Variants in EVC2 observed in about 807,000 individuals in gnomAD.
The protein encoded by EVC2 is EvC ciliary complex subunit 2, also known as limbin.
Under a neutral mutation model 149.3 loss-of-function variants are expected in EVC2, and 148 were observed. The ratio of observed to expected loss-of-function variants is 0.99; its 90% CI spans 0.87 to 1.14. The LOEUF (loss-of-function observed/expected upper bound fraction) is 1.14. Among genes scored for constraint, EVC2 ranks in the 50% most tolerant of loss-of-function variants. EVC2 has a pLI of 0.00. For synonymous variants in EVC2, 776 were observed against 649.9 expected (o/e 1.19, Z -2.95); for missense variants, 1,854 against 1,627.3 (o/e 1.14, Z -2.40).
intron 8 of EVC2, among the ~76,000 whole-genome samples, chr4:5,664,023 G>A (rs996705630): frequency 2.0e-5 from 3 of 152,176 alleles, no homozygotes; most frequent in African/African-American, 7.2e-5. Context: ...TATCTGTGTT[G>A]TCTCCAATAT....
intron 16 of EVC2, among the ~76,000 whole-genome samples, chr4:5,597,340 C>T (rs1713532190): frequency 6.6e-6 from 1 of 152,168 alleles, no homozygotes; most frequent in Non-Finnish European, 1.5e-5. Flanking sequence ...CAAACCAAAG[C>T]CAGCAGCACA....
chr4:5,623,295 T>C (rs1715862757), intron 13 of EVC2, among the ~76,000 whole-genome samples: 1 of 152,122 alleles, frequency 6.6e-6, no homozygotes, highest in African/African-American at 2.4e-5. Context: ...TGCGCCATGA[T>C]GCCAGGCTAA....
rs117529723 is a variant in EVC2, at chr4:5,614,628, A to G, written c.2829+794T>C. ...AAAAGTAATTCCACAAAGACAGAAG[A>G]ATACAGATTAAAGCATCCTAGGAGA... On this transcript the variant is annotated intron_variant, in intron 16 of 21. Transcript: ENST00000344408. The surrounding 1 kb of genome is among the most constrained non-coding windows in gnomAD (Gnocchi z 4.7). Among the ~76,000 whole-genome samples the G allele has an allele frequency of 2.2e-4, 34 of 152,284 alleles. No homozygotes were observed. In the East Asian group the frequency reaches 5.8e-3, roughly 26 times the overall value.
chr4:5,665,499 C>G lies in EVC2; in HGVS notation c.1005+16G>C. 6.2e-7 allele frequency: 1 copy of G among 1,613,988 alleles called. No individual in the cohort carries two copies. Among genetic ancestry groups the G allele is most frequent in the Non-Finnish European group, 8.5e-7 (1 of 1,179,992 alleles). Reference sequence around the variant, plus strand: ...CACATTCACCACCTTCCAAACCACCCTCAGGGAAGACTCACCCGATGTCTG... The same window carrying G: ...CACATTCACCACCTTCCAAACCACCGTCAGGGAAGACTCACCCGATGTCTG... On this transcript the variant is annotated intron_variant, in intron 8 of 21. Transcript: ENST00000344408.
rs372746416 is a variant in EVC2, at chr4:5,618,715, C to G, written c.2502-33G>C. 1.3e-6 allele frequency: 2 copies of G among 1,556,806 alleles called. No homozygotes were observed. The highest frequency in any genetic ancestry group is 8.7e-7 in the Non-Finnish European group (1 of 1,148,662). ...GAAGAACAGAGACACACTCTTAACA[C>G]AGAGAAAGCCTGGGGGCTGGGCTGG... On this transcript the variant is annotated intron_variant, in intron 14 of 21. Coordinates refer to ENST00000344408, the MANE Select transcript of EVC2 (RefSeq NM_147127.5). This position sits in a 1 kb window ranked among gnomAD's most constrained non-coding sequence, Gnocchi z 4.4.
At position 5,640,437 on chromosome 4, in the gene EVC2, G is replaced by A; in HGVS notation, c.1470+77C>T. ...GACGGATGGAGGAGGCAAATGGACA[G>A]ATGAGTGGGTAGATGGATAAATGAC... is the stretch of plus-strand genomic sequence containing the variant. On this transcript the variant is annotated intron_variant, in intron 10 of 21. Transcript: ENST00000344408. This position sits in a 1 kb window ranked among gnomAD's most constrained non-coding sequence, Gnocchi z 4.6. The A allele has an allele frequency of 1.3e-6, 2 of 1,567,232 alleles. No homozygotes were observed. The highest frequency in any genetic ancestry group is 4.5e-5 in the East Asian group (2 of 44,694).
At chr4:5,628,471 T>A (rs1220667926) in intron 12 of EVC2, 88 bp downstream of exon 12, 4 of 1,530,382 alleles carry the variant, frequency 2.6e-6, no homozygotes, top group African/African-American at 1.4e-5. Flanking sequence ...CTCTTCTATT[T>A]ATAAATTACC....
In EVC2 at chr4:5,663,160, C is replaced by T. The variant is rs769447796; in HGVS notation, c.1092G>A (p.Met364Ile). The change falls in exon 9 of 22, where the codon ATG (methionine) becomes ATA (isoleucine). Residue 364 changes from methionine (M) to isoleucine (I), a missense_variant. Coordinates refer to ENST00000344408, the MANE Select transcript of EVC2 (RefSeq NM_147127.5). ...VNEDLSLNDQMIDILSSEDPG... is the reference protein window; with the variant it reads ...VNEDLSLNDQIIDILSSEDPG... ...GGTCCTCGGAAGACAGAATGTCTAT[C>T]ATTTGGTCGTTAAGGGAAAGGTCCT... 4.3e-6 allele frequency: 7 copies of T among 1,614,182 alleles called. No individual in the cohort carries two copies. In the Admixed American group the frequency reaches 5.0e-5, roughly 12 times the overall value.
chr4:5,582,267 G>C (rs1711863215), intron 17 of EVC2, among the ~76,000 whole-genome samples: 1 of 152,246 alleles, frequency 6.6e-6, no homozygotes. Flanking sequence ...CTTGAGAGCA[G>C]CTGTTGGGGC....
chr4:5,702,631 T>G (rs889947750), intron 1 of EVC2, among the ~76,000 whole-genome samples: 4 of 152,244 alleles, frequency 2.6e-5, no homozygotes, highest in African/African-American at 9.6e-5. Context: ...AGTTTAGCCA[T>G]ACATGGCTAC....
At chr4:5,536,060 AT>A in the EVC2 span, among the ~76,000 whole-genome samples, 2 of 151,834 alleles carry the variant, frequency 1.3e-5, no homozygotes, top group Admixed American at 6.6e-5. Context: ...TGTGCTTGGA[AT>A]TTTTTCCCAT....
At chr4:5,546,005 C>T (rs1407793694) in intron 21 of EVC2, among the ~76,000 whole-genome samples, 3 of 152,102 alleles carry the variant, frequency 2.0e-5, no homozygotes. Context: ...AAATCAAAAC[C>T]ACAATGAGAT....
chr4:5,545,127 G>A (rs1346030468), intron 21 of EVC2, among the ~76,000 whole-genome samples: 1 of 152,186 alleles, frequency 6.6e-6, no homozygotes, highest in African/African-American at 2.4e-5. Flanking sequence ...AACACCTATA[G>A]ATGGCCCTGT....
chr4:5,583,312 T>C (rs1260751126), intron 17 of EVC2, among the ~76,000 whole-genome samples: 1 of 152,224 alleles, frequency 6.6e-6, no homozygotes, highest in Non-Finnish European at 1.5e-5. Flanking sequence ...GTATAATTGT[T>C]CTTTCTGGTA....
At chr4:5,639,095 C>T (rs1717114817) in intron 10 of EVC2, among the ~76,000 whole-genome samples, 1 of 152,086 alleles carries the variant, frequency 6.6e-6, no homozygotes, top group Non-Finnish European at 1.5e-5. Context: ...TGCCCCTTTT[C>T]TTTACTGCTC....
chr4:5,567,598 C>A lies in EVC2; in HGVS notation c.3557+846G>T, dbSNP rs1054426234. Among the ~76,000 whole-genome samples the A allele has an allele frequency of 1.6e-4, 25 of 152,100 alleles. No homozygotes were observed. Among genetic ancestry groups the A allele is most frequent in the Non-Finnish European group, 7.4e-5 (5 of 68,012 alleles). On this transcript the variant is annotated intron_variant, in intron 20 of 21. Coordinates refer to ENST00000344408, the MANE Select transcript of EVC2 (RefSeq NM_147127.5). This position sits in a 1 kb window ranked among gnomAD's most constrained non-coding sequence, Gnocchi z 4.4. ...TCAAGGGGTACTGCTGGCTGCCCCC[C>A]AAACCCGCCTTACTCCACACCCCTT...
At chr4:5,643,452 C>T (rs752118471) in intron 9 of EVC2, among the ~76,000 whole-genome samples, 9 of 152,218 alleles carry the variant, frequency 5.9e-5, no homozygotes, top group Non-Finnish European at 1.0e-4. Flanking sequence ...CTAACCGCAT[C>T]TTTGGGTCTT....
intron 9 of EVC2, among the ~76,000 whole-genome samples, chr4:5,642,661 T>C (rs1270112998): frequency 6.6e-6 from 1 of 152,200 alleles, no homozygotes; most frequent in Non-Finnish European, 1.5e-5. Flanking sequence ...TTAAGTCTCC[T>C]GGCACATCCA....
At chr4:5,691,171 A>G in intron 4 of EVC2, 94 bp downstream of exon 4, 1 of 1,129,832 alleles carries the variant, frequency 8.9e-7, no homozygotes, top group South Asian at 1.2e-5. Context: ...TAAGCCCATG[A>G]TTTATCAGTT....
Sources: gnomAD v4.1 joint callset for allele counts (sites outside exome capture counted in the v4.1 genomes callset) on GRCh38, gnomAD v4.1.1 for gene constraint, Gnocchi (gnomAD v3.1) non-coding constraint, MANE v1.5 for transcripts, NCBI Gene and HGNC (gene_info 2026-07-23, HGNC 2026-07-21) for gene names.